Variants in ATRNL1 observed in about 807,000 individuals in gnomAD.
ATRNL1 encodes attractin like 1.
A neutral mutation model predicts 182.7 loss-of-function variants in ATRNL1; 95 were observed. The observed-to-expected ratio is 0.52, with a 90% confidence interval of 0.44 to 0.62. ATRNL1 has a LOEUF of 0.62. Ranked by LOEUF, ATRNL1 falls within the 20% of genes least tolerant of loss-of-function variation. The pLI is 0.00. For missense variants in ATRNL1, 1,471 were observed against 1,679.5 expected (o/e 0.88, Z 2.17); for synonymous variants, 576 against 568.3 (o/e 1.01, Z -0.19).
At chr10:115,827,925 A>G (rs2134302228) in intron 27 of ATRNL1, among the ~76,000 whole-genome samples, 1 of 152,248 alleles carries the variant, frequency 6.6e-6, no homozygotes, top group East Asian at 1.9e-4. Context: ...ACCCAAGACA[A>G]GTGGACCACA....
intron 5 of ATRNL1, among the ~76,000 whole-genome samples, chr10:115,131,184 GTTATA>G (rs1309045178): frequency 7.2e-5 from 11 of 151,920 alleles, no homozygotes; most frequent in Non-Finnish European, 1.6e-4. Context: ...TTAAAGCAAA[GTTATA>G]TTATCAGTAG....
chr10:115,727,997 C>G (rs12770810), intron 27 of ATRNL1, among the ~76,000 whole-genome samples: 2 of 150,618 alleles, frequency 1.3e-5, no homozygotes, highest in African/African-American at 2.4e-5. Flanking sequence ...AAAATTCGGC[C>G]GGGCGCGGTG....
rs76527624 is a variant in ATRNL1, at chr10:115,165,266, A to G, written c.1005-292A>G. 1.8e-4 allele frequency among the ~76,000 whole-genome samples: 27 copies of G among 152,124 alleles called. No individual in the cohort carries two copies. In the East Asian group the frequency reaches 5.0e-3, roughly 28 times the overall value. On this transcript the variant is annotated intron_variant, in intron 6 of 28. Transcript: ENST00000355044. ...AAATCACTATTGTTTAGCTTAATCAATTGATGGAAATTATTAAAGGCAATT... is the reference window on the plus strand; with the variant it reads ...AAATCACTATTGTTTAGCTTAATCAGTTGATGGAAATTATTAAAGGCAATT...
chr10:115,280,996 T>C (rs190679154), intron 13 of ATRNL1, among the ~76,000 whole-genome samples: 181 of 152,312 alleles, frequency 1.2e-3, no homozygotes, highest in African/African-American at 4.1e-3. Context: ...CCTAATGCCA[T>C]TGTGTTTATA....
intron 26 of ATRNL1, among the ~76,000 whole-genome samples, chr10:115,681,619 T>C (rs566422271): frequency 2.6e-5 from 4 of 151,968 alleles, no homozygotes; most frequent in African/African-American, 9.6e-5. Flanking sequence ...ATCTCAAGAG[T>C]GTATTTGTGT....
chr10:115,680,579 T>G (rs148349560), intron 26 of ATRNL1, among the ~76,000 whole-genome samples: 38 of 152,260 alleles, frequency 2.5e-4, no homozygotes, highest in African/African-American at 8.2e-4. Flanking sequence ...CTATGTAAAT[T>G]AACGGCTGTA....
intron 19 of ATRNL1, among the ~76,000 whole-genome samples, chr10:115,368,723 T>C (rs1375287250): frequency 6.6e-6 from 1 of 152,004 alleles, no homozygotes; most frequent in Non-Finnish European, 1.5e-5. Context: ...TCTATTTTTT[T>C]TTTTTTTTGA....
chr10:115,436,303 G>A (rs1004962151), intron 21 of ATRNL1, among the ~76,000 whole-genome samples: 1 of 152,052 alleles, frequency 6.6e-6, no homozygotes, highest in Admixed American at 6.5e-5. Flanking sequence ...ATAGGTCATG[G>A]CATATTATTA....
intron 26 of ATRNL1, among the ~76,000 whole-genome samples, chr10:115,645,512 A>T (rs75665844): frequency 1.4e-5 from 2 of 145,898 alleles, no homozygotes; most frequent in African/African-American, 2.6e-5. Context: ...ATATAAATAT[A>T]AAAAAATATA....
At chr10:115,565,638 C>T (rs1411138441) in intron 26 of ATRNL1, among the ~76,000 whole-genome samples, 1 of 152,046 alleles carries the variant, frequency 6.6e-6, no homozygotes, top group Non-Finnish European at 1.5e-5. Context: ...GAAGCACACA[C>T]TCATCAACTA....
At chr10:115,477,336 G>A (rs1458222454) in intron 24 of ATRNL1, among the ~76,000 whole-genome samples, 13 of 151,540 alleles carry the variant, frequency 8.6e-5, no homozygotes. Context: ...AAATCATCAG[G>A]TTTTCAATAA....
At chr10:115,894,886 A>T (rs1343368830) in intron 28 of ATRNL1, among the ~76,000 whole-genome samples, 1 of 152,166 alleles carries the variant, frequency 6.6e-6, no homozygotes, top group African/African-American at 2.4e-5. Flanking sequence ...CCTGGTAGTT[A>T]ATTACTATAC....
chr10:115,399,601 T>A (rs1844460640), intron 20 of ATRNL1, among the ~76,000 whole-genome samples: 1 of 151,998 alleles, frequency 6.6e-6, no homozygotes, highest in Non-Finnish European at 1.5e-5. Context: ...TTTATTATTT[T>A]CTTCAAAAAC....
At chr10:115,460,822 A>T (rs1847759283) in intron 21 of ATRNL1, among the ~76,000 whole-genome samples, 1 of 152,136 alleles carries the variant, frequency 6.6e-6, no homozygotes, top group South Asian at 2.1e-4. Context: ...TACTTGCAAG[A>T]GGACAGAAAT....
At chr10:115,419,000 C>G (rs782521661) in intron 20 of ATRNL1, among the ~76,000 whole-genome samples, 1 of 152,118 alleles carries the variant, frequency 6.6e-6, no homozygotes, top group Non-Finnish European at 1.5e-5. Context: ...TAGGCTAATA[C>G]TGTAATTTTG....
rs538156648 is a variant in ATRNL1 at position 115,133,482 on chromosome 10, G to C, written c.829+3947G>C. Among the ~76,000 whole-genome samples the C allele has an allele frequency of 1.2e-4, 18 of 152,170 alleles. No homozygotes were observed. In the East Asian group the frequency reaches 1.5e-3, roughly 13 times the overall value. ...TTACTTAATGGTAAAGGGATCAATT[G>C]AACAAGAAGAGCTGACTATCCTAAA... On this transcript the variant is annotated intron_variant, in intron 5 of 28. Transcript: ENST00000355044.
chr10:115,497,059 T>C (rs56812855), intron 24 of ATRNL1, among the ~76,000 whole-genome samples: 5,743 of 152,228 alleles, frequency 0.038, 387 homozygotes, highest in African/African-American at 0.13. Flanking sequence ...GTTCATTTTT[T>C]TAATTCTTTA....
intron 26 of ATRNL1, among the ~76,000 whole-genome samples, chr10:115,694,782 C>A (rs1384924293): frequency 6.6e-6 from 1 of 151,930 alleles, no homozygotes; most frequent in Non-Finnish European, 1.5e-5. Flanking sequence ...TTTTCTATGA[C>A]TAGTCTAAAT....
intron 26 of ATRNL1, among the ~76,000 whole-genome samples, chr10:115,652,731 T>G (rs1320284813): frequency 2.6e-5 from 4 of 152,068 alleles, no homozygotes; most frequent in Non-Finnish European, 1.5e-5. Flanking sequence ...AAGAGAACAT[T>G]ATATATTATT....
Sources: gnomAD v4.1 joint callset for allele counts (sites outside exome capture counted in the v4.1 genomes callset) on GRCh38, gnomAD v4.1.1 for gene constraint, MANE v1.5 for transcripts, NCBI Gene and HGNC (gene_info 2026-07-23, HGNC 2026-07-21) for gene names.